Variants in RHOT1 observed in about 807,000 individuals in gnomAD.
RHOT1 encodes mitochondrial Rho GTPase 1.
RHOT1 carries 27 observed loss-of-function variants against 95.3 expected under a neutral mutation model. The observed-to-expected ratio is 0.28, with a 90% CI of 0.21 to 0.39. The LOEUF (loss-of-function observed/expected upper bound fraction) is 0.39, where lower values mean the gene tolerates loss of function less well. Among genes scored for constraint, RHOT1 ranks in the 10% least tolerant of loss-of-function variants. RHOT1 has a pLI of 1.00. For missense variants in RHOT1, 578 were observed against 786.7 expected, an observed-to-expected ratio of 0.73 and a Z score of 3.17; for synonymous variants, 227 against 263.5, an observed-to-expected ratio of 0.86 and a Z score of 1.34.
intron 1 of RHOT1, among the ~76,000 whole-genome samples, chr17:32,145,662 C>A (rs1395189629): frequency 6.6e-6 from 1 of 152,072 alleles, no homozygotes; most frequent in Non-Finnish European, 1.5e-5. Flanking sequence ...TTCAAGCTGT[C>A]CTGAATATAT....
At chr17:32,206,174 T>C (rs909071396) in intron 16 of RHOT1, among the ~76,000 whole-genome samples, 5 of 146,160 alleles carry the variant, frequency 3.4e-5, no homozygotes, top group Non-Finnish European at 7.5e-5. Context: ...CACTCACTAA[T>C]ACTAGCTTCC....
Position 32,145,446 on chromosome 17 carries a change from T to A in RHOT1, c.37+2717T>A, listed in dbSNP as rs988801105. On this transcript the variant is annotated intron_variant, in intron 1 of 19. Transcript: ENST00000545287. Reference sequence around the variant, plus strand: ...AACTGTTATCTTCTTTTAAAATGAATCTGGCAGATCTTTAACTGGTTTGTC... The same window carrying A: ...AACTGTTATCTTCTTTTAAAATGAAACTGGCAGATCTTTAACTGGTTTGTC... Among the ~76,000 whole-genome samples the A allele has an allele frequency of 2.0e-5, 3 of 152,342 alleles. No homozygotes were observed. The East Asian group carries it at 5.8e-4, about 29-fold the overall frequency.
chr17:32,150,523 G>T, intron 1 of RHOT1: 1 of 1,449,064 alleles, frequency 6.9e-7, no homozygotes, highest in Non-Finnish European at 9.6e-7. Flanking sequence ...TATCATACTG[G>T]GCCAGGTTTG....
chr17:32,207,235 T>C, intron 17 of RHOT1: 1 of 458,842 alleles, frequency 2.2e-6, no homozygotes, highest in Non-Finnish European at 3.8e-6. Flanking sequence ...GTTTTCGACA[T>C]GTGATTGTGA....
At chr17:32,183,432 A>G (rs544470344) in intron 8 of RHOT1, among the ~76,000 whole-genome samples, 160 bp downstream of exon 8, 2 of 152,320 alleles carry the variant, frequency 1.3e-5, no homozygotes, top group South Asian at 2.1e-4. Flanking sequence ...CTTCAATGAC[A>G]TTCACATTAA....
chr17:32,196,466 A>G (rs536475784), intron 11 of RHOT1, among the ~76,000 whole-genome samples: 2 of 152,268 alleles, frequency 1.3e-5, no homozygotes, highest in Non-Finnish European at 2.9e-5. Context: ...TGCTGGGATT[A>G]CAAGCATTAG....
intron 1 of RHOT1, among the ~76,000 whole-genome samples, chr17:32,166,827 A>G (rs1165692696): frequency 6.6e-6 from 1 of 152,280 alleles, no homozygotes; most frequent in Admixed American, 6.5e-5. Flanking sequence ...TGAGGCTTGA[A>G]TCCCTCAAAG....
chr17:32,208,665 A>G (rs139256333), intron 18 of RHOT1: 1 of 172,436 alleles, frequency 5.8e-6, no homozygotes, highest in Non-Finnish European at 1.3e-5. Flanking sequence ...ATGAACAGAA[A>G]GTTTATATTT....
Position 32,224,968 on chromosome 17 carries a change from A to G in RHOT1, c.*235A>G, listed in dbSNP as rs1284508900. On this transcript the variant is annotated 3_prime_UTR_variant, in exon 20 of 20. Transcript: ENST00000545287. ...GGCTAAATTCCAGAGGCCAAAAGGG[A>G]ATATTTTGTAAATATATGTACATAT... 6.4e-6 allele frequency: 2 copies of G among 311,942 alleles called. No homozygotes were observed. The highest frequency in any genetic ancestry group is 4.3e-5 in the Admixed American group (1 of 23,478). 19.3% of individuals were successfully genotyped at this position (311,942 alleles called of 1,614,324 possible).
intron 8 of RHOT1, among the ~76,000 whole-genome samples, chr17:32,188,432 T>G (rs2036220537): frequency 6.6e-6 from 1 of 152,236 alleles, no homozygotes; most frequent in Admixed American, 6.5e-5. Context: ...TCAAATATAA[T>G]TTTATAAATA....
intron 19 of RHOT1, among the ~76,000 whole-genome samples, chr17:32,212,000 A>G (rs1288385059): frequency 6.6e-6 from 1 of 152,224 alleles, no homozygotes; most frequent in Non-Finnish European, 1.5e-5. Context: ...TGTTCAAATC[A>G]GTTTTACATT....
chr17:32,198,048 C>T (rs1378865485), intron 11 of RHOT1, among the ~76,000 whole-genome samples: 1 of 152,130 alleles, frequency 6.6e-6, no homozygotes, highest in Non-Finnish European at 1.5e-5. Flanking sequence ...GCATGTGCCA[C>T]CATGCCTAGT....
At chr17:32,175,932 A>G in intron 4 of RHOT1, 30 bp from the exon 5 acceptor site, 1 of 1,430,710 alleles carries the variant, frequency 7.0e-7, no homozygotes, top group Non-Finnish European at 9.5e-7. Context: ...TTATTTTTAG[A>G]TACGATTAAT....
At chr17:32,188,557 A>G (rs2036229798) in intron 8 of RHOT1, among the ~76,000 whole-genome samples, 1 of 152,250 alleles carries the variant, frequency 6.6e-6, no homozygotes, top group Non-Finnish European at 1.5e-5. Flanking sequence ...ACAGATCAGC[A>G]TTAACATATA....
At chr17:32,202,706 A>G (rs1331952774) in intron 14 of RHOT1, 64 bp from the exon 15 acceptor site, 7 of 1,258,636 alleles carry the variant, frequency 5.6e-6, no homozygotes, top group Non-Finnish European at 7.6e-6. Flanking sequence ...AAAAGGTGGA[A>G]TGGAGGCTTA....
At chr17:32,154,586 CAAAAAAAA>C (rs1022159247) in intron 1 of RHOT1, among the ~76,000 whole-genome samples, 2 of 61,744 alleles carry the variant, frequency 3.2e-5, no homozygotes, top group African/African-American at 6.5e-5. Context: ...GGCTCCATCT[CAAAAAAAA>C]AAAAAAAAAA....
chr17:32,182,430 G>C (rs2035715800), intron 6 of RHOT1, among the ~76,000 whole-genome samples: 1 of 152,134 alleles, frequency 6.6e-6, no homozygotes, highest in South Asian at 2.1e-4. Context: ...AGGTTGCAGT[G>C]AGCTGTGATC....
chr17:32,204,543 GAA>G (rs58323302), intron 16 of RHOT1, among the ~76,000 whole-genome samples: 5 of 54,870 alleles, frequency 9.1e-5, no homozygotes, highest in East Asian at 5.5e-4. Flanking sequence ...TCCATCTCCA[GAA>G]AAAAAAAAAA....
At chr17:32,201,363 TTAAAAA>T (rs1373453909) in intron 14 of RHOT1, among the ~76,000 whole-genome samples, 8 of 152,254 alleles carry the variant, frequency 5.3e-5, no homozygotes, top group African/African-American at 1.9e-4. Context: ...TCTTTAAACA[TTAAAAA>T]TAATGCGTAT....
Sources: gnomAD v4.1 joint callset for allele counts (sites outside exome capture counted in the v4.1 genomes callset) on GRCh38, gnomAD v4.1.1 for gene constraint, MANE v1.5 for transcripts, NCBI Gene and HGNC (gene_info 2026-07-23, HGNC 2026-07-21) for gene names.